The following GLI3 variants were observed in gnomAD, a reference collection of about 807,000 sequenced individuals.
GLI3 encodes GLI family zinc finger 3.
GLI3 carries 20 observed loss-of-function variants against 100.8 expected under a neutral mutation model. That is an observed-to-expected ratio of 0.20 (90% CI 0.14 to 0.29). The LOEUF is 0.29. Among genes scored for constraint, GLI3 ranks in the 10% least tolerant of loss-of-function variants. The pLI is 1.00. For missense variants in GLI3, 2,040 were observed against 2,128.5 expected (o/e 0.96, Z 0.82); for synonymous variants, 938 against 860.5 (o/e 1.09, Z -1.58).
intron 3 of GLI3, among the ~76,000 whole-genome samples, chr7:42,096,975 G>A (rs995260539): frequency 6.6e-6 from 1 of 152,174 alleles, no homozygotes; most frequent in South Asian, 2.1e-4. Flanking sequence ...CCTAAGGGAT[G>A]TTTAATAAAA....
At chr7:42,156,333 G>C (rs954429533) in intron 2 of GLI3, among the ~76,000 whole-genome samples, 1 of 152,196 alleles carries the variant, frequency 6.6e-6, no homozygotes, top group African/African-American at 2.4e-5. Flanking sequence ...CTTACACAGA[G>C]TGAGTTAATT....
chr7:41,988,155 T>C (rs1787880768), intron 10 of GLI3, among the ~76,000 whole-genome samples: 1 of 152,044 alleles, frequency 6.6e-6, no homozygotes, highest in South Asian at 2.1e-4. Context: ...ATCACCAGTG[T>C]GGGTGTATTA....
chr7:42,018,456 G>T (rs1456388833), intron 10 of GLI3, among the ~76,000 whole-genome samples: 1 of 152,120 alleles, frequency 6.6e-6, no homozygotes, highest in African/African-American at 2.4e-5. Flanking sequence ...TTAGCAAAGG[G>T]ATCGAAATTA....
At chr7:42,245,814 A>G (rs1338863552) in intron 1 of GLI3, among the ~76,000 whole-genome samples, 3 of 152,090 alleles carry the variant, frequency 2.0e-5, no homozygotes, top group African/African-American at 4.8e-5. Flanking sequence ...CCTTATTTTA[A>G]AGATACTTAG....
intron 2 of GLI3, among the ~76,000 whole-genome samples, chr7:42,196,844 T>C (rs1787936411): frequency 6.6e-6 from 1 of 152,160 alleles, no homozygotes; most frequent in South Asian, 2.1e-4. Flanking sequence ...AGGAAATGTA[T>C]CTGAATATTG....
rs1787389511 is a variant in GLI3, at chr7:41,972,438, G to T, written c.2002C>A (p.Pro668Thr). The change falls in exon 13 of 15, where the codon CCG becomes ACG. Residue 668 changes from proline (P) to threonine (T), a missense_variant. By Grantham distance (38) the Pro-to-Thr change is conservative. Around this residue, in one of 5 missense-constraint regions of GLI3, gnomAD observed 327 missense variants for 338.7 expected, o/e 0.97. Coordinates refer to ENST00000395925, the MANE Select transcript of GLI3 (RefSeq NM_000168.6). This position sits in a 1 kb window ranked among gnomAD's most constrained non-coding sequence, Gnocchi z 4.4. Reference sequence around the variant, plus strand: ...TGCTCACCAAGGGCTCCCTGAGTCGGTCGGCCAGGCGACCTGGACTGTGAA... The same window carrying T: ...TGCTCACCAAGGGCTCCCTGAGTCGTTCGGCCAGGCGACCTGGACTGTGAA... ...SHSQSRSPGR[P>T]TQGALGEQQD... The T allele has an allele frequency of 6.2e-7, 1 of 1,613,718 alleles. No individual in the cohort carries two copies. Among genetic ancestry groups the T allele is most frequent in the Non-Finnish European group, 8.5e-7 (1 of 1,179,992 alleles).
chr7:42,220,696 A>T (rs1788468987), intron 2 of GLI3, among the ~76,000 whole-genome samples: 1 of 152,234 alleles, frequency 6.6e-6, no homozygotes, highest in Admixed American at 6.5e-5. Context: ...TTAGCATCAC[A>T]TACACAAAGA....
upstream of GLI3, among the ~76,000 whole-genome samples, chr7:42,239,000 T>C (rs1390085476): frequency 1.3e-5 from 2 of 152,220 alleles, no homozygotes; most frequent in Non-Finnish European, 2.9e-5. Flanking sequence ...TTTAACGAAA[T>C]TGAGGGTGGT....
intron 2 of GLI3, among the ~76,000 whole-genome samples, chr7:42,218,443 G>A (rs1448546278): frequency 7.0e-6 from 1 of 143,438 alleles, no homozygotes. Flanking sequence ...TGCGGTTTTT[G>A]TCATTACTTT....
At chr7:42,096,924 G>A (rs1166857079) in intron 3 of GLI3, among the ~76,000 whole-genome samples, 1 of 152,230 alleles carries the variant, frequency 6.6e-6, no homozygotes, top group Admixed American at 6.5e-5. Flanking sequence ...GCCAAGCCAG[G>A]TTTTACAAGT....
chr7:42,148,134 C>T lies in GLI3; in HGVS notation c.367+92G>A, dbSNP rs561969201. On this transcript the variant is annotated intron_variant, in intron 3 of 14. Transcript: ENST00000395925. ...ATACAAGCCAAAACTTCATAAAGCG[C>T]GCACACACACACACACACACACACA... 1.3e-4 allele frequency: 152 copies of T among 1,203,280 alleles called. No individual in the cohort carries two copies. The Middle Eastern group carries it at 3.1e-3, about 25-fold the overall frequency. 74.5% of individuals were successfully genotyped at this position (1,203,280 alleles called of 1,614,324 possible).
chr7:42,168,049 A>G (rs1787279962), intron 2 of GLI3, among the ~76,000 whole-genome samples: 1 of 152,210 alleles, frequency 6.6e-6, no homozygotes, highest in South Asian at 2.1e-4. Context: ...TTTTAAGACA[A>G]TTCAAAAGCC....
At position 41,962,575 on chromosome 7, in the gene GLI3, A is replaced by G. The variant is rs1787037275; in HGVS notation, c.*1755T>C. 1 of 152,190 alleles carries G rather than the reference A, an allele frequency of 6.6e-6. No homozygotes were observed. The highest frequency in any genetic ancestry group is 2.4e-5 in the African/African-American group (1 of 41,446). The allele number at this position is 152,190 out of a possible 1,614,324, so 9.4% of individuals were successfully genotyped here. ...GTGTCCCTCTGCTTGTCTCAGGAACATCTAGTTGAAAGCAAACCTAATAGT... is the reference window on the plus strand; with the variant it reads ...GTGTCCCTCTGCTTGTCTCAGGAACGTCTAGTTGAAAGCAAACCTAATAGT... On this transcript the variant is annotated 3_prime_UTR_variant, in exon 15 of 15. Transcript: ENST00000395925.
chr7:42,236,631 G>C (rs1788803200), intron 1 of GLI3, among the ~76,000 whole-genome samples: 1 of 152,270 alleles, frequency 6.6e-6, no homozygotes, highest in Admixed American at 6.5e-5. Flanking sequence ...TGCGGGGCTC[G>C]CGGAGTTCTT....
intron 2 of GLI3, among the ~76,000 whole-genome samples, chr7:42,153,535 C>T (rs1583603940): frequency 9.4e-6 from 1 of 106,600 alleles, no homozygotes; most frequent in South Asian, 3.1e-4. Context: ...TGCAGCCAGC[C>T]AAAATGAAGG....
chr7:42,232,802 T>C (rs922281120), intron 1 of GLI3, among the ~76,000 whole-genome samples: 1 of 152,218 alleles, frequency 6.6e-6, no homozygotes, highest in African/African-American at 2.4e-5. Context: ...TTATTAACTA[T>C]GTAATGGCTT....
intron 1 of GLI3, among the ~76,000 whole-genome samples, chr7:42,261,973 G>A (rs74708003): frequency 0.022 from 947 of 43,192 alleles, 7 homozygotes; most frequent in Middle Eastern, 0.056. Context: ...TCTCTCTCTC[G>A]CTCTCTCTTT....
At position 41,964,973 on chromosome 7, in the gene GLI3, G is replaced by A. The variant is rs749664633; in HGVS notation, c.4100C>T (p.Ala1367Val). ...YQGPESCLPGAHGMGSQPSSL... is the reference protein window; with the variant it reads ...YQGPESCLPGVHGMGSQPSSL... ...TGACGGCTGGCTGCCCATGCCGTGA[G>A]CCCCTGGCAGGCAGCTCTCTGGCCC... Residue 1367 changes from alanine to valine, a missense_variant, in exon 15 of 15, where the codon GCT becomes GTT. Physicochemically the swap from Ala to Val is moderately conservative, Grantham distance 64 (BLOSUM62 0). This residue lies in a region of GLI3 where 1,041 missense variants were observed against 924.0 expected (regional missense o/e 1.13). Coordinates refer to ENST00000395925, the MANE Select transcript of GLI3 (RefSeq NM_000168.6). The A allele has an allele frequency of 6.2e-7, 1 of 1,613,728 alleles. No homozygotes were observed. Among genetic ancestry groups the A allele is most frequent in the Non-Finnish European group, 8.5e-7 (1 of 1,180,036 alleles).
chr7:42,222,739 A>G, intron 2 of GLI3: 1 of 230,934 alleles, frequency 4.3e-6, no homozygotes. Context: ...CTGTCCTGTC[A>G]CTAATTTTGA....
Sources: allele counts gnomAD v4.1 joint callset (sites outside exome capture counted in the v4.1 genomes callset), GRCh38; gene constraint gnomAD v4.1.1; regional missense constraint gnomAD v4.1.1; non-coding constraint Gnocchi (gnomAD v3.1); transcripts MANE v1.5; gene names NCBI Gene and HGNC (gene_info 2026-07-23, HGNC 2026-07-21).